Variants in CFAP77 observed in about 807,000 individuals in gnomAD.
The protein encoded by CFAP77 is cilia- and flagella-associated protein 77.
Under a neutral mutation model 31.1 loss-of-function variants are expected in CFAP77, and 25 were observed. The ratio of observed to expected loss-of-function variants is 0.80; its 90% CI spans 0.59 to 1.12. The LOEUF (loss-of-function observed/expected upper bound fraction) is 1.12, where lower values mean the gene tolerates loss of function less well. Among genes scored for constraint, CFAP77 ranks in the 50% most tolerant of loss-of-function variants. The probability of loss-of-function intolerance (pLI) is 0.00; values close to 1 mark genes in which losing one functional copy is unlikely to be tolerated. For missense variants in CFAP77, 377 were observed against 397.3 expected (o/e 0.95, Z 0.44); for synonymous variants, 151 against 159.9 (o/e 0.94, Z 0.42).
chr9:132,548,292 A>G, intron 5 of CFAP77, among the ~76,000 whole-genome samples: 1 of 151,028 alleles, frequency 6.6e-6, no homozygotes, highest in Non-Finnish European at 1.5e-5. Context: ...TGGGGGGTGA[A>G]GCTGATTTTC....
chr9:132,454,384 C>T (rs558356), intron 1 of CFAP77, among the ~76,000 whole-genome samples: 14,903 of 152,096 alleles, frequency 0.098, 886 homozygotes, highest in African/African-American at 0.16. Flanking sequence ...TAAGTCAGTT[C>T]GATTTCTTTG....
intron 1 of CFAP77, among the ~76,000 whole-genome samples, chr9:132,467,335 A>T (rs1365576566): frequency 1.3e-5 from 2 of 152,114 alleles, no homozygotes. Flanking sequence ...TCCCCATTAA[A>T]CAACATCTCC....
chr9:132,429,766 G>C (rs1403418391), intron 1 of CFAP77, among the ~76,000 whole-genome samples: 1 of 152,022 alleles, frequency 6.6e-6, no homozygotes, highest in Non-Finnish European at 1.5e-5. Context: ...TGAGGCAGGA[G>C]AATGGTGTGA....
chr9:132,471,456 G>T (rs760954001), intron 1 of CFAP77, among the ~76,000 whole-genome samples: 2 of 149,004 alleles, frequency 1.3e-5, no homozygotes, highest in Admixed American at 1.4e-4. Context: ...CCCCCCCACC[G>T]TTGCCCACAC....
Position 132,542,445 on chromosome 9 carries a change from C to T in CFAP77, c.631-501C>T, listed in dbSNP as rs375867348. Among the ~76,000 whole-genome samples the T allele has an allele frequency of 1.9e-4, 29 of 152,350 alleles. No homozygotes were observed. The East Asian group carries it at 2.5e-3, about 13-fold the overall frequency. On this transcript the variant is annotated intron_variant, in intron 4 of 5. Coordinates refer to ENST00000393216, the MANE Select transcript of CFAP77 (RefSeq NM_001282957.2). ...GGCTTCCACTGTGTCTCTGAAATCA[C>T]ACCTGCAGAGACACCGTGGTGGGAG...
Position 132,497,487 on chromosome 9 carries a change from GCAGCTGCACC to G in CFAP77, c.196-1205_196-1196del, listed in dbSNP as rs1589887169. ...CTGTGGCCTGTGGACAGTGGAAGGAGCAGCTGCACCCACCCTTCTCAGTAATGGCCCCGGG... is the reference window on the plus strand; with the variant it reads ...CTGTGGCCTGTGGACAGTGGAAGGAGCACCCTTCTCAGTAATGGCCCCGGG... On this transcript the variant is annotated intron_variant, in intron 1 of 5. Coordinates refer to ENST00000393216, the MANE Select transcript of CFAP77 (RefSeq NM_001282957.2). The surrounding 1 kb of genome is among the most constrained non-coding windows in gnomAD (Gnocchi z 4.9). Among the ~76,000 whole-genome samples, 1 of 152,250 alleles carries G rather than the reference GCAGCTGCACC, an allele frequency of 6.6e-6. No individual in the cohort carries two copies. Among genetic ancestry groups the G allele is most frequent in the East Asian group, 1.9e-4 (1 of 5,188 alleles).
At chr9:132,562,041 A>G (rs1430024577) in intron 5 of CFAP77, among the ~76,000 whole-genome samples, 7 of 152,220 alleles carry the variant, frequency 4.6e-5, no homozygotes, top group Admixed American at 1.3e-4. Context: ...GGATAAGCCC[A>G]ACTGGAGGGG....
intron 1 of CFAP77, among the ~76,000 whole-genome samples, chr9:132,435,060 G>C (rs190104123): frequency 1.7e-3 from 261 of 152,344 alleles, no homozygotes; most frequent in African/African-American, 5.6e-3. Context: ...ATGGACTCAA[G>C]TGGATCCCTT....
intron 1 of CFAP77, among the ~76,000 whole-genome samples, chr9:132,478,701 C>T (rs1162723845): frequency 6.6e-6 from 1 of 152,156 alleles, no homozygotes; most frequent in Non-Finnish European, 1.5e-5. Flanking sequence ...GAGGAGAGGG[C>T]TGGGGCCGGA....
intron 1 of CFAP77, among the ~76,000 whole-genome samples, chr9:132,462,250 C>T (rs988907009): frequency 1.3e-5 from 2 of 152,146 alleles, no homozygotes; most frequent in Non-Finnish European, 2.9e-5. Flanking sequence ...ATCTCTAGGA[C>T]GTGTTTCTTG....
At chr9:132,434,207 A>G (rs1271737042) in intron 1 of CFAP77, among the ~76,000 whole-genome samples, 1 of 152,278 alleles carries the variant, frequency 6.6e-6, no homozygotes, top group Middle Eastern at 3.4e-3. Flanking sequence ...CTCCTCTGGA[A>G]GTCTTTCCAG....
At chr9:132,533,525 G>T (rs1852494597) in intron 3 of CFAP77, among the ~76,000 whole-genome samples, 1 of 151,174 alleles carries the variant, frequency 6.6e-6, no homozygotes, top group African/African-American at 2.5e-5. Flanking sequence ...CTTGGTTTGG[G>T]GTTACAGGGT....
At chr9:132,519,871 G>T (rs1589903184) in intron 3 of CFAP77, among the ~76,000 whole-genome samples, 1 of 149,714 alleles carries the variant, frequency 6.7e-6, no homozygotes, top group Non-Finnish European at 1.5e-5. Context: ...TGAATGGATG[G>T]ATGGATGGAT....
Position 132,430,093 on chromosome 9 carries a change from C to T in CFAP77, c.195+19627C>T, listed in dbSNP as rs190754263. Among the ~76,000 whole-genome samples, 3 of 152,222 alleles carry T rather than the reference C, an allele frequency of 2.0e-5. No individual in the cohort carries two copies. The East Asian group carries it at 5.8e-4, about 29-fold the overall frequency. ...CACTCCCTGGCTCCGTGGCCTTCAT[C>T]TCCTACACTTATTTCTGGTGGTGGT... On this transcript the variant is annotated intron_variant, in intron 1 of 5. Transcript: ENST00000393216.
chr9:132,447,039 GCCACTGGGC>G (rs1850735823), intron 1 of CFAP77, among the ~76,000 whole-genome samples: 2 of 152,252 alleles, frequency 1.3e-5, no homozygotes, highest in South Asian at 4.1e-4. Flanking sequence ...ACAGGTGTGA[GCCACTGGGC>G]CTGCCCAGTT....
At chr9:132,513,286 C>G (rs1391084137) in intron 3 of CFAP77, 1 of 1,549,202 alleles carries the variant, frequency 6.5e-7, no homozygotes, top group Non-Finnish European at 8.7e-7. Context: ...TAGAAAAGTT[C>G]AGAAGCAACA....
intron 1 of CFAP77, among the ~76,000 whole-genome samples, chr9:132,415,858 A>G (rs4962180): frequency 0.74 from 111,858 of 152,176 alleles, 44,593 homozygotes; most frequent in South Asian, 0.88. Flanking sequence ...GTCTCGTGAA[A>G]TGTCTGATTC....
At position 132,490,019 on chromosome 9, in the gene CFAP77, C is replaced by G. The variant is rs934150653; in HGVS notation, c.196-8676C>G. On this transcript the variant is annotated intron_variant, in intron 1 of 5. Coordinates refer to ENST00000393216, the MANE Select transcript of CFAP77 (RefSeq NM_001282957.2). This position sits in a 1 kb window ranked among gnomAD's most constrained non-coding sequence, Gnocchi z 4.6. ...GGCTGGGAGTTCCAGATCAATGCGC[C>G]GGTGGTTTCTGTGTCTGGTGAGAGC... 6.6e-6 allele frequency among the ~76,000 whole-genome samples: 1 copy of G among 152,122 alleles called. No individual in the cohort carries two copies. The highest frequency in any genetic ancestry group is 1.5e-5 in the Non-Finnish European group (1 of 68,020).
At chr9:132,531,774 A>G (rs538864528) in intron 3 of CFAP77, among the ~76,000 whole-genome samples, 1 of 152,318 alleles carries the variant, frequency 6.6e-6, no homozygotes, top group African/African-American at 2.4e-5. Context: ...GGTCTCCTTC[A>G]GAGAACCCAG....
Sources: gnomAD v4.1 joint callset for allele counts (sites outside exome capture counted in the v4.1 genomes callset) on GRCh38, gnomAD v4.1.1 for gene constraint, Gnocchi (gnomAD v3.1) non-coding constraint, MANE v1.5 for transcripts, NCBI Gene and HGNC (gene_info 2026-07-23, HGNC 2026-07-21) for gene names.